CHD1L: variants seen among roughly 807,000 people sequenced by gnomAD.
The protein encoded by CHD1L is ATP-dependent chromatin remodeler CHD1L.
CHD1L carries 118 observed loss-of-function variants against 115.9 expected under a neutral mutation model. That is an observed-to-expected ratio of 1.02 (90% CI 0.88 to 1.19). The LOEUF (loss-of-function observed/expected upper bound fraction) is 1.19. Ranked by LOEUF, CHD1L falls within the 50% of genes most tolerant of loss-of-function variation. The pLI, the probability that CHD1L is intolerant of heterozygous loss-of-function variation, is 0.00. For synonymous variants in CHD1L, 411 were observed against 387.1 expected (o/e 1.06, Z -0.72); for missense variants, 1,179 against 1,065.3 (o/e 1.11, Z -1.49).
At chr1:147,200,129 G>T in the CHD1L span, among the ~76,000 whole-genome samples, 14 of 152,246 alleles carry the variant, frequency 9.2e-5, no homozygotes, top group African/African-American at 2.9e-4. Context: ...GAGGCAGCTG[G>T]TTCCATCATG....
intron 6 of CHD1L, among the ~76,000 whole-genome samples, chr1:147,261,991 C>A (rs993294350): frequency 6.6e-6 from 1 of 151,888 alleles, no homozygotes; most frequent in Non-Finnish European, 1.5e-5. Flanking sequence ...GTCAGGAGAT[C>A]GAGACCATCC....
chr1:147,266,794 T>C (rs780177585), intron 8 of CHD1L, among the ~76,000 whole-genome samples: 12 of 152,234 alleles, frequency 7.9e-5, no homozygotes, highest in Non-Finnish European at 1.8e-4. Flanking sequence ...AATTATATGC[T>C]GAGATTGGTA....
chr1:147,255,230 T>C (rs1183616234), intron 3 of CHD1L, among the ~76,000 whole-genome samples: 22 of 152,158 alleles, frequency 1.4e-4, no homozygotes, highest in Admixed American at 1.4e-3. Context: ...CCATTGTTTT[T>C]TGTTTGTTTG....
chr1:147,188,522 C>CAAAAAAA, the CHD1L span, among the ~76,000 whole-genome samples: 11 of 61,228 alleles, frequency 1.8e-4, no homozygotes, highest in South Asian at 5.6e-4. Flanking sequence ...GACCCCATAT[C>CAAAAAAA]AAAAAAAAAA....
the CHD1L span, among the ~76,000 whole-genome samples, chr1:147,192,990 C>T: frequency 1.3e-5 from 2 of 152,064 alleles, no homozygotes; most frequent in African/African-American, 4.8e-5. Context: ...TGTGTCTCTG[C>T]CAGGCTTTGG....
In CHD1L at chr1:147,266,103, T is replaced by A. The variant is rs1553948203; in HGVS notation, c.895+16T>A. ...AAAGACCTAGGTAATCAGAGGGCAC[T>A]TGTCCATTTAGAAACTAAATGAGGA... On this transcript the variant is annotated intron_variant, in intron 8 of 22. Coordinates refer to ENST00000369258, the MANE Select transcript of CHD1L (RefSeq NM_004284.6). 2.5e-6 allele frequency: 4 copies of A among 1,597,840 alleles called. No individual in the cohort carries two copies. Among genetic ancestry groups the A allele is most frequent in the Admixed American group, 1.8e-5 (1 of 56,268 alleles).
upstream of CHD1L, among the ~76,000 whole-genome samples, chr1:147,238,808 C>G (rs1323024527): frequency 1.3e-5 from 2 of 152,166 alleles, no homozygotes; most frequent in African/African-American, 4.8e-5. Context: ...TAATGCCTAA[C>G]CTTGTTTTTA....
intron 14 of CHD1L, 28 bp from the exon 15 acceptor site, chr1:147,279,998 C>A: frequency 6.2e-7 from 1 of 1,612,432 alleles, no homozygotes; most frequent in Non-Finnish European, 8.5e-7. Context: ...TGAGAATTTG[C>A]TGGACTTTTT....
chr1:147,289,103 G>A (rs1473883953), intron 19 of CHD1L, among the ~76,000 whole-genome samples: 1 of 152,070 alleles, frequency 6.6e-6, no homozygotes, highest in African/African-American at 2.4e-5. Context: ...CTGAAAGAAG[G>A]GTTTAATGTG....
chr1:147,178,130 C>G, the CHD1L span: 32 of 1,600,162 alleles, frequency 2.0e-5, no homozygotes, highest in Non-Finnish European at 2.7e-5. Context: ...CTCCGCCGCC[C>G]AGCGCTGTTC....
At chr1:147,178,398 T>A in the CHD1L span, 1 of 1,610,914 alleles carries the variant, frequency 6.2e-7, no homozygotes, top group South Asian at 1.1e-5. Context: ...GTAATAAATA[T>A]GGAGTCAGTG....
At chr1:147,265,876 C>A in intron 7 of CHD1L, 56 bp from the exon 8 acceptor site, 1 of 1,509,222 alleles carries the variant, frequency 6.6e-7, no homozygotes, top group Non-Finnish European at 9.0e-7. Context: ...CTCTAGGGTT[C>A]ATTGCCTTGG....
the CHD1L span, chr1:147,223,981 C>T: frequency 4.9e-6 from 2 of 411,720 alleles, no homozygotes; most frequent in Admixed American, 5.4e-5. Context: ...TTAACACAAT[C>T]ACCACCTTGG....
At chr1:147,288,188 G>T (rs1334288073) in intron 19 of CHD1L, among the ~76,000 whole-genome samples, 1 of 151,890 alleles carries the variant, frequency 6.6e-6, no homozygotes, top group Non-Finnish European at 1.5e-5. Context: ...GGCTGGATGT[G>T]GTGGTGCATG....
intron 13 of CHD1L, 49 bp downstream of exon 13, chr1:147,275,517 G>A (rs782286628): frequency 2.9e-5 from 42 of 1,465,532 alleles, no homozygotes; most frequent in Non-Finnish European, 3.7e-5. Flanking sequence ...GCAGTTCTGG[G>A]TTGTGAAAAA....
chr1:147,272,105 A>AT lies in CHD1L; in HGVS notation c.1160-60dup, dbSNP rs1553953663. 5.6e-6 allele frequency: 8 copies of AT among 1,421,294 alleles called. No individual in the cohort carries two copies. The East Asian group carries it at 1.6e-4, about 29-fold the overall frequency. The allele number at this position is 1,421,294 out of a possible 1,614,324, so 88.0% of individuals were successfully genotyped here. On this transcript the variant is annotated intron_variant, in intron 11 of 22. Transcript: ENST00000369258. ...AAATTGGCCTTTGGTTTTGGGCTTA[A>AT]TTTTTTATTCCCCAAAGACTACTTG...
At chr1:147,220,209 C>T in the CHD1L span, among the ~76,000 whole-genome samples, 341 of 152,084 alleles carry the variant, frequency 2.2e-3, 2 homozygotes, top group Admixed American at 3.9e-3. Flanking sequence ...TAGTAATACC[C>T]CTGAAATTAC....
the CHD1L span, among the ~76,000 whole-genome samples, chr1:147,221,665 C>A: frequency 6.6e-6 from 1 of 152,080 alleles, no homozygotes; most frequent in African/African-American, 2.4e-5. Context: ...ATGTGTATTC[C>A]AAAAGTTCAA....
chr1:147,259,822 G>A lies in CHD1L; in HGVS notation c.495-15G>A. ...TAAATTACACAAAACTGAAAGCTTG[G>A]GTTTTCTCTCACAGATTCCCTTGGA... is the stretch of plus-strand genomic sequence containing the variant. On this transcript the variant is annotated splice_polypyrimidine_tract_variant and intron_variant, in intron 5 of 22. Coordinates refer to ENST00000369258, the MANE Select transcript of CHD1L (RefSeq NM_004284.6). The A allele has an allele frequency of 2.5e-6, 4 of 1,606,418 alleles. No homozygotes were observed. The highest frequency in any genetic ancestry group is 3.4e-6 in the Non-Finnish European group (4 of 1,176,120).
Sources: allele counts gnomAD v4.1 joint callset (sites outside exome capture counted in the v4.1 genomes callset), GRCh38; gene constraint gnomAD v4.1.1; transcripts MANE v1.5; gene names NCBI Gene and HGNC (gene_info 2026-07-23, HGNC 2026-07-21).